The following TAF1C variants were observed in gnomAD, a reference collection of about 807,000 sequenced individuals.
TAF1C encodes TATA-box binding protein associated factor, RNA polymerase I subunit C.
TAF1C carries 79 observed loss-of-function variants against 70.5 expected under a neutral mutation model. The observed-to-expected ratio is 1.12, with a 90% CI of 0.93 to 1.35. The LOEUF (loss-of-function observed/expected upper bound fraction) is 1.35. Ranked by LOEUF, TAF1C falls within the 40% of genes most tolerant of loss-of-function variation. The probability of loss-of-function intolerance (pLI) is 0.00; values close to 1 mark genes in which losing one functional copy is unlikely to be tolerated. For synonymous variants in TAF1C, 614 were observed against 491.1 expected (o/e 1.25, Z -3.31); for missense variants, 1,412 against 1,127.8 (o/e 1.25, Z -3.61).
intron 12 of TAF1C, chr16:84,180,762 G>A (rs1361396264): frequency 7.7e-7 from 1 of 1,304,462 alleles, no homozygotes; most frequent in Non-Finnish European, 9.8e-7. Flanking sequence ...AAACTCTCCA[G>A]CTCTGCACGG....
In TAF1C at chr16:84,178,508, C is replaced by G; in HGVS notation, c.*433G>C. The G allele has an allele frequency of 2.2e-6, 1 of 461,960 alleles. No individual in the cohort carries two copies. The highest frequency in any genetic ancestry group is 5.4e-4 in the Middle Eastern group (1 of 1,842). The allele number at this position is 461,960 out of a possible 1,614,324, so 28.6% of individuals were successfully genotyped here. A position where few individuals can be genotyped will look rare whatever the true frequency, so the allele number is the denominator to read the frequency against. The stretch of plus-strand genomic sequence containing the variant: ...CAGCAGCTGCCAACGGCCGCTGTGC[C>G]CACCTCATCAGCAGCTCTGCAGGGG... On this transcript the variant is annotated 3_prime_UTR_variant, in exon 15 of 15. Coordinates refer to ENST00000566732, the MANE Select transcript of TAF1C (RefSeq NM_001243156.2).
rs755367420 is a variant in TAF1C at position 84,179,557 on chromosome 16, C to G, written c.1916G>C (p.Gly639Ala). Residue 639 changes from glycine to alanine, a missense_variant, in exon 15 of 15, where the codon GGC (glycine) becomes GCC (alanine). Physicochemically the swap from Gly to Ala is moderately conservative, Grantham distance 60. Transcript: ENST00000566732. ...APTFTHRQMLGSTELRREEEE... is the reference protein window; with the variant it reads ...APTFTHRQMLASTELRREEEE... Reference sequence around the variant, plus strand: ...TTCCTCCCTCCGCAGCTCTGTGCTGCCCAGCATCTGGCGGTGGGTGAAGGT... The same window carrying G: ...TTCCTCCCTCCGCAGCTCTGTGCTGGCCAGCATCTGGCGGTGGGTGAAGGT... The G allele has an allele frequency of 1.9e-6, 3 of 1,612,488 alleles. No homozygotes were observed. The Admixed American group carries it at 5.0e-5, about 27-fold the overall frequency.
chr16:84,181,333 T>C lies in TAF1C; in HGVS notation c.1159A>G (p.Thr387Ala), dbSNP rs370120166. The C allele has an allele frequency of 1.2e-6, 2 of 1,613,272 alleles. No individual in the cohort carries two copies. Among genetic ancestry groups the C allele is most frequent in the Admixed American group, 1.7e-5 (1 of 59,980 alleles). The change falls in exon 11 of 15, where the codon ACT becomes GCT. Residue 387 changes from threonine to alanine, a missense_variant. Thr to Ala is a moderately conservative substitution (Grantham distance 58). Transcript: ENST00000566732. ...GDRTGVKMLD[T>A]QGPPGCGLLL... The stretch of plus-strand genomic sequence containing the variant: ...CCTCTGCCGCCAGCCCGTACCTGAG[T>C]GTCCAGCATCTTCACTCCGGTGCGG...
chr16:84,181,228 G>A (rs763290364), intron 11 of TAF1C, 42 bp from the exon 12 acceptor site: 3 of 1,594,440 alleles, frequency 1.9e-6, no homozygotes, highest in Non-Finnish European at 2.6e-6. Context: ...ACAGTCCCAG[G>A]CCGGTGACGC....
intron 12 of TAF1C, 85 bp downstream of exon 12, chr16:84,180,958 A>T: frequency 6.7e-7 from 1 of 1,487,608 alleles, no homozygotes; most frequent in Non-Finnish European, 9.0e-7. Context: ...GTCTGGGCCC[A>T]GCAGAGCCGC....
In TAF1C at chr16:84,181,475, A is replaced by G; in HGVS notation, c.1029-12T>C. 6.2e-7 allele frequency: 1 copy of G among 1,613,626 alleles called. No individual in the cohort carries two copies. ...AGATTTGCCGCAGCCTTGGGGAGAC[A>G]GGCAAGCCGTGGGCAGGGGGACAGG... On this transcript the variant is annotated splice_polypyrimidine_tract_variant and intron_variant, in intron 10 of 14. Coordinates refer to ENST00000566732, the MANE Select transcript of TAF1C (RefSeq NM_001243156.2).
At position 84,181,483 on chromosome 16, in the gene TAF1C, C is replaced by G. The variant is rs368431160; in HGVS notation, c.1029-20G>C. ...CGCAGCCTTGGGGAGACAGGCAAGC[C>G]GTGGGCAGGGGGACAGGCTGATGGG... On this transcript the variant is annotated intron_variant, in intron 10 of 14. Transcript: ENST00000566732. The G allele has an allele frequency of 6.2e-6, 10 of 1,613,652 alleles. No individual in the cohort carries two copies. In the East Asian group the frequency reaches 2.0e-4, roughly 32 times the overall value.
At position 84,179,804 on chromosome 16, in the gene TAF1C, G is replaced by A; in HGVS notation, c.1669C>T (p.Leu557=). Residue 557 remains leucine (L), a synonymous_variant, in exon 15 of 15, where the codon CTG becomes TTG. Transcript: ENST00000566732. ...PPLPSAPTPG[L]VLFQLSAAGD... is the part of the protein sequence containing the mutation. ...GCCGCCGAGAGCTGGAAGAGCACCA[G>A]GCCTGGTGTGGGCGCTGAGGGCAAG... 6.2e-7 allele frequency: 1 copy of A among 1,610,280 alleles called. No homozygotes were observed. Among genetic ancestry groups the A allele is most frequent in the Non-Finnish European group, 8.5e-7 (1 of 1,178,778 alleles).
At chr16:84,180,595 G>T in intron 12 of TAF1C, 1 of 580,478 alleles carries the variant, frequency 1.7e-6, no homozygotes, top group Non-Finnish European at 2.9e-6. Flanking sequence ...AAGAGGTGTG[G>T]GGGAGCCTTG....
rs753073625 is a variant in TAF1C at position 84,180,239 on chromosome 16, G to A, written c.1414C>T (p.Arg472Trp). 18 of 1,539,946 alleles carry A rather than the reference G, an allele frequency of 1.2e-5. No individual in the cohort carries two copies. Among genetic ancestry groups the A allele is most frequent in the East Asian group, 4.8e-5 (2 of 41,312 alleles). ...LLLARLLPPP[R>W]PSCVQPLLLG... Reference sequence around the variant, plus strand: ...AGCAGGGGCTGCACGCAGCTGGGCCGGGGCGGAGGCAGCAGTCGGGCCAGC... The same window carrying A: ...AGCAGGGGCTGCACGCAGCTGGGCCAGGGCGGAGGCAGCAGTCGGGCCAGC... Residue 472 changes from arginine (R) to tryptophan (W), a missense_variant, in exon 13 of 15, where the codon CGG becomes TGG. Coordinates refer to ENST00000566732, the MANE Select transcript of TAF1C (RefSeq NM_001243156.2).
At position 84,183,081 on chromosome 16, in the gene TAF1C, G is replaced by C. The variant is rs2089292210; in HGVS notation, c.477C>G (p.Pro159=). The change falls in exon 6 of 15, where the codon CCC becomes CCG. Residue 159 remains proline (P), a synonymous_variant. Coordinates refer to ENST00000566732, the MANE Select transcript of TAF1C (RefSeq NM_001243156.2). ...CTTTCTCATCAGCCACTTGCCCCCA[G>C]GGCTGGTGTCCACCGAGGTCCTGGA... is the stretch of plus-strand genomic sequence containing the variant. ...KLLQDLGGHQ[P]WGCPWAYLSN... 6.2e-7 allele frequency: 1 copy of C among 1,614,018 alleles called. No individual in the cohort carries two copies. The highest frequency in any genetic ancestry group is 1.3e-5 in the African/African-American group (1 of 74,920).
Position 84,181,645 on chromosome 16 carries a change from C to A in TAF1C, c.975G>T (p.Glu325Asp). The A allele has an allele frequency of 1.9e-6, 3 of 1,613,866 alleles. No homozygotes were observed. The highest frequency in any genetic ancestry group is 2.5e-6 in the Non-Finnish European group (3 of 1,179,992). Residue 325 changes from glutamate (E) to aspartate (D), a missense_variant, in exon 10 of 15, where the codon GAG becomes GAT. By Grantham distance (45) the Glu-to-Asp change is conservative. Transcript: ENST00000566732. The stretch of plus-strand genomic sequence containing the variant: ...CTCCCGAGCGGCTGCAGATGGCCAG[C>A]TCCCCGGGCAGGTGAGGGCTACAGG... ...GISLSPHLPG[E>D]LAICSRSGAV...
Position 84,183,243 on chromosome 16 carries a change from C to T in TAF1C, c.408+1G>A, listed in dbSNP as rs1421156598. On this transcript the variant is annotated splice_donor_variant, in intron 5 of 14. Coordinates refer to ENST00000566732, the MANE Select transcript of TAF1C (RefSeq NM_001243156.2). LOFTEE classifies it high-confidence loss of function. ...CACCCCTGGAGTCACGGGCCACTCACCCCCGCTCCCTCCAGCTTGAAATTC... is the reference window on the plus strand; with the variant it reads ...CACCCCTGGAGTCACGGGCCACTCATCCCCGCTCCCTCCAGCTTGAAATTC... The T allele has an allele frequency of 6.2e-7, 1 of 1,614,032 alleles. No individual in the cohort carries two copies. Among genetic ancestry groups the T allele is most frequent in the Non-Finnish European group, 8.5e-7 (1 of 1,180,044 alleles).
At chr16:84,180,737 C>A in intron 12 of TAF1C, 2 of 1,198,506 alleles carry the variant, frequency 1.7e-6, no homozygotes, top group Non-Finnish European at 1.1e-6. Context: ...AGAGCCCCCG[C>A]CTCCTGCACA....
intron 1 of TAF1C, among the ~76,000 whole-genome samples, chr16:84,186,274 C>T (rs1327590645): frequency 6.6e-6 from 1 of 152,238 alleles, no homozygotes; most frequent in Non-Finnish European, 1.5e-5. Context: ...TTCCCTTTGG[C>T]CGGGTGCGGT....
rs1194429014 is a variant in TAF1C at position 84,181,658 on chromosome 16, T to A, written c.962A>T (p.His321Leu). 2.5e-6 allele frequency: 4 copies of A among 1,613,680 alleles called. No homozygotes were observed. The African/African-American group carries it at 5.3e-5, about 22-fold the overall frequency. ...GCAGATGGCCAGCTCCCCGGGCAGG[T>A]GAGGGCTACAGGGCAGGAATGCATT... Reference protein sequence around the residue: ...KGATGISLSPHLPGELAICSR... With the variant: ...KGATGISLSPLLPGELAICSR... The change falls in exon 10 of 15, where the codon CAC becomes CTC. Residue 321 changes from histidine to leucine, a missense_variant. By Grantham distance (99) the His-to-Leu change is moderately conservative (BLOSUM62 -3). Coordinates refer to ENST00000566732, the MANE Select transcript of TAF1C (RefSeq NM_001243156.2).
At chr16:84,184,576 C>A (rs189420656) in intron 2 of TAF1C, among the ~76,000 whole-genome samples, 23 of 152,308 alleles carry the variant, frequency 1.5e-4, no homozygotes, top group Admixed American at 9.8e-4. Context: ...TTTATTCTCG[C>A]TCAACTCAGC....
intron 12 of TAF1C, chr16:84,180,793 T>A: frequency 2.7e-5 from 33 of 1,232,414 alleles, no homozygotes; most frequent in Non-Finnish European, 3.0e-5. Flanking sequence ...CCGAGGCCCC[T>A]CCTCCCCTGC....
intron 1 of TAF1C, chr16:84,185,434 G>C (rs530636802): frequency 6.5e-6 from 1 of 154,996 alleles, no homozygotes; most frequent in African/African-American, 2.4e-5. Flanking sequence ...TCAGAAAGAC[G>C]GCAAGGGGCA....
Sources: gnomAD v4.1 joint callset for allele counts (sites outside exome capture counted in the v4.1 genomes callset) on GRCh38, gnomAD v4.1.1 for gene constraint, MANE v1.5 for transcripts, NCBI Gene and HGNC (gene_info 2026-07-23, HGNC 2026-07-21) for gene names.